The following MIPOL1 variants were observed in gnomAD, a reference collection of about 807,000 sequenced individuals.
MIPOL1 encodes mirror-image polydactyly gene 1 protein.
In MIPOL1, 57 loss-of-function variants were observed where a neutral mutation model predicts 60.9. That is an observed-to-expected ratio of 0.94 (90% CI 0.76 to 1.17). MIPOL1 has a LOEUF of 1.17. Ranked by LOEUF, MIPOL1 falls within the 50% of genes most tolerant of loss-of-function variation. The probability of loss-of-function intolerance (pLI) is 0.00; values close to 1 mark genes in which losing one functional copy is unlikely to be tolerated. For synonymous variants in MIPOL1, 179 were observed against 168.8 expected (o/e 1.06, Z -0.47); for missense variants, 551 against 511.6 (o/e 1.08, Z -0.74).
chr14:37,390,506 G>A (rs951215256), intron 10 of MIPOL1, among the ~76,000 whole-genome samples: 4 of 151,938 alleles, frequency 2.6e-5, no homozygotes, highest in Non-Finnish European at 5.9e-5. Flanking sequence ...TTAGATGACA[G>A]GGACTTTACA....
chr14:37,342,279 C>T (rs544114194), intron 9 of MIPOL1, among the ~76,000 whole-genome samples: 2 of 151,964 alleles, frequency 1.3e-5, no homozygotes, highest in South Asian at 4.2e-4. Flanking sequence ...ATCGCTTGAG[C>T]CTGGGAGGGA....
chr14:37,384,272 T>A (rs754755682), intron 10 of MIPOL1, among the ~76,000 whole-genome samples: 8 of 151,914 alleles, frequency 5.3e-5, no homozygotes, highest in Non-Finnish European at 1.2e-4. Flanking sequence ...TACTTTTCTC[T>A]TATTTATTAT....
At chr14:37,491,398 A>G (rs1451222667) in intron 11 of MIPOL1, among the ~76,000 whole-genome samples, 2 of 152,114 alleles carry the variant, frequency 1.3e-5, no homozygotes, top group Non-Finnish European at 2.9e-5. Context: ...GTGTGGTGGC[A>G]TGTGCCTGTA....
intron 6 of MIPOL1, among the ~76,000 whole-genome samples, chr14:37,272,098 ATAT>A (rs146469557): frequency 0.019 from 2,831 of 151,666 alleles, 77 homozygotes; most frequent in African/African-American, 0.063. Flanking sequence ...TAATAACAAA[ATAT>A]TATATTAATA....
intron 12 of MIPOL1, among the ~76,000 whole-genome samples, chr14:37,526,629 C>T (rs2095449363): frequency 6.6e-6 from 1 of 151,652 alleles, no homozygotes; most frequent in Non-Finnish European, 1.5e-5. Context: ...GATCTGCCTG[C>T]CTCAGCCTCC....
chr14:37,382,741 C>T (rs1156712706), intron 10 of MIPOL1, among the ~76,000 whole-genome samples: 1 of 151,778 alleles, frequency 6.6e-6, no homozygotes, highest in Non-Finnish European at 1.5e-5. Context: ...TAAATTTTAT[C>T]ATTAATTCAG....
intron 11 of MIPOL1, among the ~76,000 whole-genome samples, chr14:37,434,073 G>GT (rs1203089117): frequency 3.9e-5 from 6 of 152,140 alleles, no homozygotes; most frequent in African/African-American, 1.4e-4. Context: ...GGATCAAATG[G>GT]TATTTCTGGT....
At chr14:37,438,436 A>G (rs150945152) in intron 11 of MIPOL1, among the ~76,000 whole-genome samples, 110 of 151,864 alleles carry the variant, frequency 7.2e-4, no homozygotes, top group African/African-American at 2.6e-3. Flanking sequence ...ACTGAAACAG[A>G]GAGAAAACTA....
chr14:37,420,905 G>T lies in MIPOL1; in HGVS notation c.937-1950G>T, dbSNP rs536916089. Among the ~76,000 whole-genome samples, 31 of 152,198 alleles carry T rather than the reference G, an allele frequency of 2.0e-4. No homozygotes were observed. In the South Asian group the frequency reaches 2.9e-3, roughly 14 times the overall value. ...GGGTATTTCTGAAAAAAGAAATGCT[G>T]CTGGATAAGCATATATCTGATAAAG... is the stretch of plus-strand genomic sequence containing the variant. On this transcript the variant is annotated intron_variant, in intron 10 of 12. Transcript: ENST00000684589.
At chr14:37,361,526 T>C (rs2092240632) in intron 9 of MIPOL1, among the ~76,000 whole-genome samples, 1 of 151,812 alleles carries the variant, frequency 6.6e-6, no homozygotes, top group African/African-American at 2.4e-5. Flanking sequence ...ATTGGGTGCA[T>C]ATATATTTAG....
At chr14:37,358,247 C>T (rs1273280744) in intron 9 of MIPOL1, among the ~76,000 whole-genome samples, 5 of 152,162 alleles carry the variant, frequency 3.3e-5, no homozygotes, top group African/African-American at 1.2e-4. Flanking sequence ...TATTGATGGG[C>T]ATTTGAGTTC....
chr14:37,293,200 G>A (rs2085268039), intron 7 of MIPOL1, among the ~76,000 whole-genome samples: 1 of 152,090 alleles, frequency 6.6e-6, no homozygotes, highest in Non-Finnish European at 1.5e-5. Context: ...CTTCTAAGCT[G>A]TGAGGTATCA....
intron 11 of MIPOL1, among the ~76,000 whole-genome samples, chr14:37,477,208 T>C (rs2153595252): frequency 6.6e-6 from 1 of 152,112 alleles, no homozygotes; most frequent in East Asian, 2.0e-4. Context: ...CCTCTTAACT[T>C]GGTTTTGGTA....
At chr14:37,500,739 A>G (rs2153613727) in intron 12 of MIPOL1, among the ~76,000 whole-genome samples, 1 of 152,348 alleles carries the variant, frequency 6.6e-6, no homozygotes, top group Non-Finnish European at 1.5e-5. Context: ...ACAGCTTACC[A>G]GGCAAAGAAG....
intron 9 of MIPOL1, among the ~76,000 whole-genome samples, chr14:37,309,229 A>G (rs532019443): frequency 1.3e-5 from 2 of 151,706 alleles, no homozygotes; most frequent in South Asian, 2.1e-4. Flanking sequence ...CGACCTCCCA[A>G]AGTGTTGGGG....
intron 3 of MIPOL1, among the ~76,000 whole-genome samples, chr14:37,248,527 AAG>A (rs1219285078): frequency 8.5e-5 from 13 of 152,096 alleles, no homozygotes; most frequent in African/African-American, 3.1e-4. Context: ...GATACAGAGA[AAG>A]AGATGTACAT....
intron 7 of MIPOL1, 44 bp downstream of exon 7, chr14:37,285,491 T>C (rs761264369): frequency 2.1e-5 from 34 of 1,587,508 alleles, no homozygotes; most frequent in Middle Eastern, 1.7e-4. Flanking sequence ...GGAACACTTA[T>C]AAAAGGCATG....
At chr14:37,261,600 A>C (rs753347401) in intron 3 of MIPOL1, among the ~76,000 whole-genome samples, 6 of 152,154 alleles carry the variant, frequency 3.9e-5, no homozygotes, top group African/African-American at 9.6e-5. Flanking sequence ...ATATGGTCCC[A>C]AGATGGTGAT....
rs565041878 is a variant in MIPOL1 at position 37,293,311 on chromosome 14, T to G, written c.623+7864T>G. 2.0e-4 allele frequency among the ~76,000 whole-genome samples: 30 copies of G among 152,144 alleles called. No homozygotes were observed. In the South Asian group the frequency reaches 6.0e-3, roughly 30 times the overall value. ...TTTGCACCCTGCACCCCCTCCCTAT[T>G]TTAAAAAATTACTACATGGAGCCAA... is the stretch of plus-strand genomic sequence containing the variant. On this transcript the variant is annotated intron_variant, in intron 7 of 12. Coordinates refer to ENST00000684589, the MANE Select transcript of MIPOL1 (RefSeq NM_001388067.1).
Sources: allele counts gnomAD v4.1 joint callset (sites outside exome capture counted in the v4.1 genomes callset), GRCh38; gene constraint gnomAD v4.1.1; transcripts MANE v1.5; gene names NCBI Gene and HGNC (gene_info 2026-07-23, HGNC 2026-07-21).